EGR3: variants seen among roughly 807,000 people sequenced by gnomAD.
EGR3 encodes the protein early growth response protein 3.
EGR3 carries 4 observed loss-of-function variants against 22.4 expected under a neutral mutation model. The ratio of observed to expected loss-of-function variants is 0.18; its 90% CI spans 0.09 to 0.41. The LOEUF is 0.41. Among genes scored for constraint, EGR3 ranks in the 10% least tolerant of loss-of-function variants. The pLI is 1.00. For synonymous variants in EGR3, 219 were observed against 226.8 expected, an observed-to-expected ratio of 0.97 and a Z score of 0.31; for missense variants, 315 against 541.3, an observed-to-expected ratio of 0.58 and a Z score of 4.15.
At position 22,690,579 on chromosome 8, in the gene EGR3, T is replaced by C. The variant is rs753655773; in HGVS notation, c.1058A>G (p.Lys353Arg). Residue 353 changes from lysine to arginine, a missense_variant, in exon 2 of 2, where the codon AAG (lysine) becomes AGG (arginine). By Grantham distance (26) the Lys-to-Arg change is conservative. Around this residue, in one of 4 missense-constraint regions of EGR3, gnomAD observed 16 missense variants for 118.3 expected, o/e 0.14. Coordinates refer to ENST00000317216, the MANE Select transcript of EGR3 (RefSeq NM_004430.3). ...ARSDERKRHA[K>R]IHLKQKEKKA... is the part of the protein sequence containing the mutation. ...CTTCTCCTTTTGCTTGAGGTGGATC[T>C]TGGCGTGGCGCTTGCGCTCGTCGCT... The C allele has an allele frequency of 5.6e-6, 9 of 1,614,020 alleles. No homozygotes were observed. Among genetic ancestry groups the C allele is most frequent in the Non-Finnish European group, 7.6e-6 (9 of 1,179,966 alleles).
chr8:22,691,486 C>A lies in EGR3; in HGVS notation c.155-4G>T. 2 of 1,612,364 alleles carry A rather than the reference C, an allele frequency of 1.2e-6. No individual in the cohort carries two copies. Among genetic ancestry groups the A allele is most frequent in the Non-Finnish European group, 1.7e-6 (2 of 1,179,208 alleles). On this transcript the variant is annotated splice_polypyrimidine_tract_variant and splice_region_variant and intron_variant, in intron 1 of 1. Transcript: ENST00000317216. ...AGACCGATGTCCATTACATTCTCTG[C>A]GGAGAGCGGGGGAGAGAGGGGAGGG...
rs955025085 is a variant in EGR3, at chr8:22,693,367, ACCGCCG to A, written c.-429_-424del. On this transcript the variant is annotated 5_prime_UTR_variant, in exon 1 of 2. Transcript: ENST00000317216. ...ATCTGCCACCGCCACCGCCACCGCC[ACCGCCG>A]CCGCCGCCGCCGCCGCCGCCGCCGC... 115 of 48,708 alleles carry A rather than the reference ACCGCCG, an allele frequency of 2.4e-3. No homozygotes were observed. The highest frequency in any genetic ancestry group is 6.0e-3 in the Admixed American group (20 of 3,306). 3.0% of individuals were successfully genotyped at this position (48,708 alleles called of 1,614,324 possible).
In EGR3 at chr8:22,693,367, A is replaced by ACCGCCG. The variant is rs955025085; in HGVS notation, c.-429_-424dup. The ACCGCCG allele has an allele frequency of 1.6e-3, 77 of 48,692 alleles. No individual in the cohort carries two copies. The highest frequency in any genetic ancestry group is 2.7e-3 in the African/African-American group (29 of 10,602). 3.0% of individuals were successfully genotyped at this position (48,692 alleles called of 1,614,324 possible). A position where few individuals can be genotyped will look rare whatever the true frequency, so the allele number is the denominator to read the frequency against. Reference sequence around the variant, plus strand: ...ATCTGCCACCGCCACCGCCACCGCCACCGCCGCCGCCGCCGCCGCCGCCGC... The same window carrying ACCGCCG: ...ATCTGCCACCGCCACCGCCACCGCCACCGCCGCCGCCGCCGCCGCCGCCGCCGCCGC... On this transcript the variant is annotated 5_prime_UTR_variant, in exon 1 of 2. Coordinates refer to ENST00000317216, the MANE Select transcript of EGR3 (RefSeq NM_004430.3).
chr8:22,689,946 T>C lies in EGR3; in HGVS notation c.*527A>G, dbSNP rs965949515. On this transcript the variant is annotated 3_prime_UTR_variant, in exon 2 of 2. Coordinates refer to ENST00000317216, the MANE Select transcript of EGR3 (RefSeq NM_004430.3). ...ACACACACACACTCACACACACACA[T>C]ACACACACACGCGAGCACGCACACA... 9.3e-5 allele frequency: 15 copies of C among 160,818 alleles called. No homozygotes were observed. Among genetic ancestry groups the C allele is most frequent in the East Asian group, 1.9e-4 (1 of 5,338 alleles). The allele number at this position is 160,818 out of a possible 1,614,324, so 10.0% of individuals were successfully genotyped here. A position where few individuals can be genotyped will look rare whatever the true frequency, so the allele number is the denominator to read the frequency against.
At position 22,692,681 on chromosome 8, in the gene EGR3, CCAT is replaced by C; in HGVS notation, c.154+107_154+109del. The C allele has an allele frequency of 1.5e-6, 2 of 1,324,246 alleles. No individual in the cohort carries two copies. The highest frequency in any genetic ancestry group is 2.0e-6 in the Non-Finnish European group (2 of 983,048). The allele number at this position is 1,324,246 out of a possible 1,614,324, so 82.0% of individuals were successfully genotyped here. On this transcript the variant is annotated intron_variant, in intron 1 of 1. Transcript: ENST00000317216. The surrounding 1 kb of genome is among the most constrained non-coding windows in gnomAD (Gnocchi z 6.2). ...TTTATCTATCCACCCATCCACCCAT[CCAT>C]CCATCCATCCATCCATCCATCCATC...
chr8:22,691,571 G>C, intron 1 of EGR3, 89 bp from the exon 2 acceptor site: 1 of 1,525,820 alleles, frequency 6.6e-7, no homozygotes, highest in Non-Finnish European at 8.8e-7. Context: ...AGGTGCGGAG[G>C]GTGCGGCCGG....
Position 22,688,827 on chromosome 8 carries a change from A to AT in EGR3, c.*1645_*1646insA. On this transcript the variant is annotated 3_prime_UTR_variant, in exon 2 of 2. Coordinates refer to ENST00000317216, the MANE Select transcript of EGR3 (RefSeq NM_004430.3). ...CTTCAAAGGAGCCACCCTGTACGAGAAGGGCTGGCAGGACAGCTGGGGAAG... is the reference window on the plus strand; with the variant it reads ...CTTCAAAGGAGCCACCCTGTACGAGATAGGGCTGGCAGGACAGCTGGGGAAG... 1 of 152,630 alleles carries AT rather than the reference A, an allele frequency of 6.6e-6. No homozygotes were observed. 9.5% of individuals were successfully genotyped at this position (152,630 alleles called of 1,614,324 possible).
Position 22,692,817 on chromosome 8 carries a change from A to G in EGR3, c.128T>C (p.Val43Ala). 2 of 1,612,680 alleles carry G rather than the reference A, an allele frequency of 1.2e-6. No homozygotes were observed. The highest frequency in any genetic ancestry group is 1.7e-6 in the Non-Finnish European group (2 of 1,179,570). The change falls in exon 1 of 2, where the codon GTA becomes GCA. Residue 43 changes from valine to alanine, a missense_variant. Transcript: ENST00000317216. This position sits in a 1 kb window ranked among gnomAD's most constrained non-coding sequence, Gnocchi z 6.2. ...LNLFSGSSDS[V>A]VHYNQMATEN... Reference sequence around the variant, plus strand: ...TGTAGCCATCTGATTGTAATGGACTACCGAGTCGCTGCTGCCGGAGAAGAG... The same window carrying G: ...TGTAGCCATCTGATTGTAATGGACTGCCGAGTCGCTGCTGCCGGAGAAGAG...
In EGR3 at chr8:22,693,117, AGAGGG is replaced by A; in HGVS notation, c.-178_-174del. The stretch of plus-strand genomic sequence containing the variant: ...GGAAGAAGGGAAGGGATGGGCCAGG[AGAGGG>A]GATCTTCTCTTTTTTGGGGGGCGGG... On this transcript the variant is annotated 5_prime_UTR_variant, in exon 1 of 2. Coordinates refer to ENST00000317216, the MANE Select transcript of EGR3 (RefSeq NM_004430.3). The A allele has an allele frequency of 1.9e-6, 1 of 531,680 alleles. No individual in the cohort carries two copies. The highest frequency in any genetic ancestry group is 2.4e-5 in the South Asian group (1 of 41,984). The allele number at this position is 531,680 out of a possible 1,614,324, so 32.9% of individuals were successfully genotyped here.
rs955025085 is a variant in EGR3, at chr8:22,693,367, A to ACCG, written c.-426_-424dup. 124 of 48,712 alleles carry ACCG rather than the reference A, an allele frequency of 2.5e-3. 1 individual carries two copies. Among genetic ancestry groups the ACCG allele is most frequent in the Middle Eastern group, 0.016 (1 of 64 alleles). 3.0% of individuals were successfully genotyped at this position (48,712 alleles called of 1,614,324 possible). ...ATCTGCCACCGCCACCGCCACCGCCACCGCCGCCGCCGCCGCCGCCGCCGC... is the reference window on the plus strand; with the variant it reads ...ATCTGCCACCGCCACCGCCACCGCCACCGCCGCCGCCGCCGCCGCCGCCGCCGC... On this transcript the variant is annotated 5_prime_UTR_variant, in exon 1 of 2. Coordinates refer to ENST00000317216, the MANE Select transcript of EGR3 (RefSeq NM_004430.3).
chr8:22,691,511 G>A (rs770322759), intron 1 of EGR3, 29 bp from the exon 2 acceptor site: 70 of 1,605,226 alleles, frequency 4.4e-5, no homozygotes, highest in Middle Eastern at 1.7e-4. Context: ...AGAGGGGAGG[G>A]GTGAGTGAAG....
rs922956908 is a variant in EGR3, at chr8:22,691,684, T to C, written c.155-202A>G. On this transcript the variant is annotated intron_variant, in intron 1 of 1. Transcript: ENST00000317216. ...CCTGGATATAGCAAAATACTACGGA[T>C]CGGGGTGTGGAGTGGCTGCTGCACA... 5.1e-6 allele frequency: 5 copies of C among 981,186 alleles called. No homozygotes were observed. In the African/African-American group the frequency reaches 8.8e-5, roughly 17 times the overall value. The allele number at this position is 981,186 out of a possible 1,614,324, so 60.8% of individuals were successfully genotyped here. A position where few individuals can be genotyped will look rare whatever the true frequency, so the allele number is the denominator to read the frequency against.
In EGR3 at chr8:22,692,314, G is replaced by C; in HGVS notation, c.154+477C>G. On this transcript the variant is annotated intron_variant, in intron 1 of 1. Coordinates refer to ENST00000317216, the MANE Select transcript of EGR3 (RefSeq NM_004430.3). This position sits in a 1 kb window ranked among gnomAD's most constrained non-coding sequence, Gnocchi z 6.2. ...AGCGTCGCAGTACCTCTCCCACCGC[G>C]GGGACTCCACGCCGCACATGGCTCC... 4.6e-6 allele frequency: 7 copies of C among 1,517,678 alleles called. No homozygotes were observed. Among genetic ancestry groups the C allele is most frequent in the Non-Finnish European group, 6.1e-6 (7 of 1,138,906 alleles). The allele number at this position is 1,517,678 out of a possible 1,614,324, so 94.0% of individuals were successfully genotyped here.
At position 22,692,370 on chromosome 8, in the gene EGR3, G is replaced by A. The variant is rs2128745221; in HGVS notation, c.154+421C>T. 6.8e-7 allele frequency: 1 copy of A among 1,468,958 alleles called. No individual in the cohort carries two copies. Among genetic ancestry groups the A allele is most frequent in the Non-Finnish European group, 9.0e-7 (1 of 1,115,326 alleles). 91.0% of individuals were successfully genotyped at this position (1,468,958 alleles called of 1,614,324 possible). On this transcript the variant is annotated intron_variant, in intron 1 of 1. Transcript: ENST00000317216. This position sits in a 1 kb window ranked among gnomAD's most constrained non-coding sequence, Gnocchi z 6.2. The stretch of plus-strand genomic sequence containing the variant: ...GGGTGGGAGGCTGAGGGAGTAAGGG[G>A]GGAGAGCGCGGGTGAAAAAGACGCC...
rs373801955 is a variant in EGR3 at position 22,690,210 on chromosome 8, G to C, written c.*263C>G. 5.5e-6 allele frequency: 3 copies of C among 543,358 alleles called. No homozygotes were observed. Among genetic ancestry groups the C allele is most frequent in the African/African-American group, 3.8e-5 (2 of 52,004 alleles). 33.7% of individuals were successfully genotyped at this position (543,358 alleles called of 1,614,324 possible). On this transcript the variant is annotated 3_prime_UTR_variant, in exon 2 of 2. Coordinates refer to ENST00000317216, the MANE Select transcript of EGR3 (RefSeq NM_004430.3). ...ATCAAGGCGATCCGAACTGAACAAA[G>C]CGGGCTAGACGCCACCTTTCCGCCC...
chr8:22,692,735 T>C lies in EGR3; in HGVS notation c.154+56A>G. ...CATCCATCACCAGGTCGTCCCCTCC[T>C]CCTCTTCCTCTCCCCTTCCTTCCTC... On this transcript the variant is annotated intron_variant, in intron 1 of 1. Transcript: ENST00000317216. This position sits in a 1 kb window ranked among gnomAD's most constrained non-coding sequence, Gnocchi z 6.2. 6.2e-7 allele frequency: 1 copy of C among 1,600,264 alleles called. No individual in the cohort carries two copies.
intron 1 of EGR3, 151 bp from the exon 2 acceptor site, chr8:22,691,633 G>T (rs1349394813): frequency 2.8e-6 from 4 of 1,427,890 alleles, no homozygotes; most frequent in South Asian, 1.4e-5. Context: ...CGCGCAAAGC[G>T]GGCGGTGCCG....
chr8:22,692,487 G>C lies in EGR3; in HGVS notation c.154+304C>G, dbSNP rs1226696364. The C allele has an allele frequency of 1.4e-6, 2 of 1,427,820 alleles. No homozygotes were observed. Among genetic ancestry groups the C allele is most frequent in the African/African-American group, 2.9e-5 (2 of 69,460 alleles). The allele number at this position is 1,427,820 out of a possible 1,614,324, so 88.4% of individuals were successfully genotyped here. On this transcript the variant is annotated intron_variant, in intron 1 of 1. Transcript: ENST00000317216. The surrounding 1 kb of genome is among the most constrained non-coding windows in gnomAD (Gnocchi z 6.2). The stretch of plus-strand genomic sequence containing the variant: ...CGTGGTGAGGGAGAACCCCAGAGCC[G>C]CTCGCACCTACCTCCCTCCGGTCGG...
chr8:22,692,019 G>A lies in EGR3; in HGVS notation c.155-537C>T, dbSNP rs909495135. On this transcript the variant is annotated intron_variant, in intron 1 of 1. Transcript: ENST00000317216. The surrounding 1 kb of genome is among the most constrained non-coding windows in gnomAD (Gnocchi z 6.2). ...CGTAGAAGGGTGTCGCCCTCAAAGG[G>A]AGCTCTCCCTTCACCTACCCCGGCC... 7.7e-7 allele frequency: 1 copy of A among 1,301,246 alleles called. No homozygotes were observed. The highest frequency in any genetic ancestry group is 1.5e-5 in the African/African-American group (1 of 64,784). The allele number at this position is 1,301,246 out of a possible 1,614,324, so 80.6% of individuals were successfully genotyped here.
Sources: gnomAD v4.1 joint callset for allele counts on GRCh38, gnomAD v4.1.1 for gene constraint, gnomAD v4.1.1 regional missense constraint, Gnocchi (gnomAD v3.1) non-coding constraint, MANE v1.5 for transcripts, NCBI Gene and HGNC (gene_info 2026-07-23, HGNC 2026-07-21) for gene names.